The following ABR variants were observed in gnomAD, a reference collection of about 807,000 sequenced individuals.
The protein encoded by ABR is active breakpoint cluster region-related protein.
A neutral mutation model predicts 107.2 loss-of-function variants in ABR; 35 were observed. That is an observed-to-expected ratio of 0.33 (90% CI 0.25 to 0.43). ABR has a LOEUF of 0.43. ABR is among the 20% of genes least tolerant of loss of function. ABR has a pLI of 1.00. For missense variants in ABR, 815 were observed against 1,115.2 expected, an observed-to-expected ratio of 0.73 and a Z score of 3.83; for synonymous variants, 498 against 462.0, an observed-to-expected ratio of 1.08 and a Z score of -1.00.
In ABR at chr17:1,011,979, C is replaced by G; in HGVS notation, c.1968G>C (p.Glu656Asp). The change falls in exon 19 of 23, where the codon GAG (glutamate) becomes GAC (aspartate). Residue 656 changes from glutamate (E) to aspartate (D), a missense_variant. Glu to Asp is a conservative substitution (Grantham distance 45). This residue lies in a region of ABR where 175 missense variants were observed against 284.3 expected (regional missense o/e 0.62). Coordinates refer to ENST00000302538, the MANE Select transcript of ABR (RefSeq NM_021962.5). This position sits in a 1 kb window ranked among gnomAD's most constrained non-coding sequence, Gnocchi z 4.8. ...GGACGATGTAGGGCACCTTGGAGCG[C>G]TCCCGCCTGGGGTGGAGCGTGAGGA... Reference protein sequence around the residue: ...GVKISVVTKRERSKVPYIVRQ... With the variant: ...GVKISVVTKRDRSKVPYIVRQ... 1 of 1,613,300 alleles carries G rather than the reference C, an allele frequency of 6.2e-7. No homozygotes were observed. The highest frequency in any genetic ancestry group is 8.5e-7 in the Non-Finnish European group (1 of 1,179,396).
At chr17:1,133,222 G>A (rs7406634) in intron 1 of ABR, among the ~76,000 whole-genome samples, 82,514 of 150,376 alleles carry the variant, frequency 0.55, 22,884 homozygotes, top group East Asian at 0.67. Flanking sequence ...AGCCTTGGCA[G>A]CAAGAGCAAA....
rs111799148 is a variant in ABR, at chr17:1,051,271, C to A, written c.1562-637G>T. ...CGTGCGTCCCTAGTCTCTCTCCCCCCACGACGTAAACACCATGTGGAGAGA... is the reference window on the plus strand; with the variant it reads ...CGTGCGTCCCTAGTCTCTCTCCCCCAACGACGTAAACACCATGTGGAGAGA... On this transcript the variant is annotated intron_variant, in intron 14 of 22. Coordinates refer to ENST00000302538, the MANE Select transcript of ABR (RefSeq NM_021962.5). The surrounding 1 kb of genome is among the most constrained non-coding windows in gnomAD (Gnocchi z 4.3). Among the ~76,000 whole-genome samples the A allele has an allele frequency of 3.7e-4, 57 of 152,298 alleles. No homozygotes were observed. The highest frequency in any genetic ancestry group is 1.1e-3 in the African/African-American group (45 of 41,552).
intron 2 of ABR, among the ~76,000 whole-genome samples, chr17:1,108,448 A>C (rs1194914440): frequency 6.6e-6 from 1 of 152,228 alleles, no homozygotes; most frequent in African/African-American, 2.4e-5. Flanking sequence ...GCAGCCTCCA[A>C]GCCAGCTGTT....
chr17:1,166,250 G>A (rs978498912), intron 1 of ABR, among the ~76,000 whole-genome samples: 3 of 152,110 alleles, frequency 2.0e-5, no homozygotes, highest in East Asian at 1.9e-4. Context: ...GCTTTTCTGT[G>A]AGCAGGGACG....
chr17:1,070,474 G>T lies in ABR; in HGVS notation c.895-384C>A, dbSNP rs2256987. Among the ~76,000 whole-genome samples, 104,143 of 152,070 alleles carry T rather than the reference G, an allele frequency of 0.68. 35,981 individuals are homozygous for T. The highest frequency in any genetic ancestry group is 0.85 in the East Asian group (4,371 of 5,148). On this transcript the variant is annotated intron_variant, in intron 8 of 22. Coordinates refer to ENST00000302538, the MANE Select transcript of ABR (RefSeq NM_021962.5). The surrounding 1 kb of genome is among the most constrained non-coding windows in gnomAD (Gnocchi z 4.2). ...CGGCTAACCCTGGAGCCCCCTGCCCGGGACGACCTGGTTTCTCCACCCTGG... is the reference window on the plus strand; with the variant it reads ...CGGCTAACCCTGGAGCCCCCTGCCCTGGACGACCTGGTTTCTCCACCCTGG...
intron 16 of ABR, among the ~76,000 whole-genome samples, chr17:1,031,234 C>A (rs369162909): frequency 3.0e-4 from 45 of 152,216 alleles, no homozygotes; most frequent in Non-Finnish European, 3.7e-4. Flanking sequence ...GCAAGGCCCG[C>A]TGGATGCAGG....
intron 1 of ABR, among the ~76,000 whole-genome samples, chr17:1,201,878 C>T (rs969460603): frequency 1.3e-5 from 2 of 152,138 alleles, no homozygotes; most frequent in Admixed American, 6.6e-5. Context: ...GGGGTTTCAC[C>T]GTGTTAGCCA....
intron 16 of ABR, among the ~76,000 whole-genome samples, chr17:1,047,152 C>T (rs1229188747): frequency 6.6e-6 from 1 of 152,266 alleles, no homozygotes; most frequent in Non-Finnish European, 1.5e-5. Context: ...TGCCCTCCTC[C>T]TCCTGCCTTT....
At chr17:1,091,997 G>A in intron 3 of ABR, 147 bp from the exon 4 acceptor site, 1 of 809,276 alleles carries the variant, frequency 1.2e-6, no homozygotes, top group Non-Finnish European at 1.9e-6. Context: ...AACGAGCTTT[G>A]TATCAAGGAG....
chr17:1,010,657 G>A lies in ABR; in HGVS notation c.2236+72C>T, dbSNP rs551165269. On this transcript the variant is annotated intron_variant, in intron 20 of 22. Transcript: ENST00000302538. The surrounding 1 kb of genome is among the most constrained non-coding windows in gnomAD (Gnocchi z 4.1). ...GGAAGCCACAGATATTTCTCCTGCT[G>A]GTTACTTCTCCGGGCAGGGAGTCCT... 3.4e-5 allele frequency: 54 copies of A among 1,572,310 alleles called. 1 individual carries two copies. In the African/African-American group the frequency reaches 6.2e-4, roughly 18 times the overall value.
chr17:1,215,228 AAAAAAG>A (rs1312113185), intron 1 of ABR, among the ~76,000 whole-genome samples: 3 of 151,424 alleles, frequency 2.0e-5, no homozygotes, highest in Middle Eastern at 3.2e-3. Context: ...TCAAAAAAAA[AAAAAAG>A]AAAAGAAAGA....
intron 2 of ABR, among the ~76,000 whole-genome samples, chr17:1,108,076 C>T (rs2038379684): frequency 6.6e-6 from 1 of 152,242 alleles, no homozygotes; most frequent in Admixed American, 6.5e-5. Flanking sequence ...TAGGCAGCCT[C>T]GCCTAGCAGT....
intron 1 of ABR, among the ~76,000 whole-genome samples, chr17:1,202,474 T>G (rs1422115572): frequency 6.6e-6 from 1 of 152,182 alleles, no homozygotes; most frequent in African/African-American, 2.4e-5. Context: ...TTTCCTATAC[T>G]CTTCAGCGAA....
In ABR at chr17:1,021,505, TA is replaced by T. The variant is rs1233820223; in HGVS notation, c.1792-8342del. 7.2e-5 allele frequency among the ~76,000 whole-genome samples: 11 copies of T among 152,078 alleles called. No homozygotes were observed. In the East Asian group the frequency reaches 1.4e-3, roughly 19 times the overall value. On this transcript the variant is annotated intron_variant, in intron 16 of 22. Transcript: ENST00000302538. ...CCTCAGAGGGGGTTGCAGAGGTTCA[TA>T]AAAAAAAGTGCTTCTTCAGCCAGGT...
intron 10 of ABR, among the ~76,000 whole-genome samples, chr17:1,059,190 C>T (rs1269903938): frequency 6.6e-6 from 1 of 152,130 alleles, no homozygotes; most frequent in Non-Finnish European, 1.5e-5. Context: ...CCCCACGTCA[C>T]CCAGGGCCAG....
intron 1 of ABR, among the ~76,000 whole-genome samples, chr17:1,132,586 C>T (rs1453239843): frequency 6.6e-6 from 1 of 151,902 alleles, no homozygotes; most frequent in Non-Finnish European, 1.5e-5. Context: ...ACCGTGTTAG[C>T]CGGGATGGTC....
chr17:1,214,713 A>G (rs1328673554), intron 1 of ABR, among the ~76,000 whole-genome samples: 2 of 152,190 alleles, frequency 1.3e-5, no homozygotes, highest in Non-Finnish European at 1.5e-5. Context: ...AGGCAGGAGA[A>G]TCGCTTGAAC....
intron 16 of ABR, among the ~76,000 whole-genome samples, chr17:1,049,316 C>A (rs776669436): frequency 6.6e-6 from 1 of 152,088 alleles, no homozygotes; most frequent in Non-Finnish European, 1.5e-5. Context: ...TACAGGCGCC[C>A]GCCACCACGA....
intron 16 of ABR, among the ~76,000 whole-genome samples, chr17:1,034,681 T>C (rs1396869872): frequency 6.6e-6 from 1 of 152,120 alleles, no homozygotes; most frequent in East Asian, 1.9e-4. Flanking sequence ...GCAATGGCTG[T>C]CATGTAACTG....
Sources: gnomAD v4.1 joint callset for allele counts (sites outside exome capture counted in the v4.1 genomes callset) on GRCh38, gnomAD v4.1.1 for gene constraint, gnomAD v4.1.1 regional missense constraint, Gnocchi (gnomAD v3.1) non-coding constraint, MANE v1.5 for transcripts, NCBI Gene and HGNC (gene_info 2026-07-23, HGNC 2026-07-21) for gene names.